The following CFAP99 variants were observed in gnomAD, a reference collection of about 807,000 sequenced individuals.
The protein encoded by CFAP99 is cilia and flagella associated protein 99, also known as cilia- and flagella-associated protein 99.
Under a neutral mutation model 82.7 loss-of-function variants are expected in CFAP99, and 84 were observed. That is an observed-to-expected ratio of 1.02 (90% CI 0.85 to 1.22). The LOEUF (loss-of-function observed/expected upper bound fraction) is 1.22, where lower values mean the gene tolerates loss of function less well. Among genes scored for constraint, CFAP99 ranks in the 50% most tolerant of loss-of-function variants. The probability of loss-of-function intolerance (pLI) is 0.00; values close to 1 mark genes in which losing one functional copy is unlikely to be tolerated. For missense variants in CFAP99, 1,059 were observed against 983.5 expected (o/e 1.08, Z -1.03); for synonymous variants, 456 against 429.5 (o/e 1.06, Z -0.76).
At chr4:2,437,362 C>T (rs1300130075) in intron 3 of CFAP99, among the ~76,000 whole-genome samples, 1 of 152,200 alleles carries the variant, frequency 6.6e-6, no homozygotes, top group Non-Finnish European at 1.5e-5. Context: ...CCTGTGGCTG[C>T]CGTCTGGACA....
At chr4:2,458,809 G>A in exon 12 of CFAP99, 1 of 1,535,936 alleles carries the variant, frequency 6.5e-7, no homozygotes, top group East Asian at 2.4e-5. Context: ...TGATAGAGGG[G>A]CAGAAGAACG....
At position 2,449,880 on chromosome 4, in the gene CFAP99, G is replaced by C. The variant is rs942549966; in HGVS notation, c.724-54G>C. ...GTGGAAGTTCGTCCTCCCATGGCCT[G>C]GAGGACACTGGGCAGAGGCTGGTGG... On this transcript the variant is annotated intron_variant, in intron 7 of 14. Coordinates refer to ENST00000635017, the Ensembl canonical transcript of CFAP99. 5 of 1,534,056 alleles carry C rather than the reference G, an allele frequency of 3.3e-6. No homozygotes were observed. In the African/African-American group the frequency reaches 6.8e-5, roughly 21 times the overall value.
chr4:2,445,015 C>A, intron 5 of CFAP99, 116 bp from the exon 6 acceptor site: 1 of 672,064 alleles, frequency 1.5e-6, no homozygotes, highest in South Asian at 7.1e-5. Flanking sequence ...CCCACTATCA[C>A]CTCCACCCCA....
intron 4 of CFAP99, among the ~76,000 whole-genome samples, 160 bp from the exon 5 acceptor site, chr4:2,442,970 G>C (rs2108725513): frequency 9.4e-6 from 1 of 106,290 alleles, no homozygotes; most frequent in African/African-American, 3.6e-5. Flanking sequence ...TGGGGGCCTT[G>C]GGGGCAGGGA....
At chr4:2,429,837 C>T (rs564086843) in intron 2 of CFAP99, among the ~76,000 whole-genome samples, 3 of 152,152 alleles carry the variant, frequency 2.0e-5, no homozygotes, top group Admixed American at 6.5e-5. Context: ...GTGATCCGCC[C>T]GCCTCGGCCT....
intron 1 of CFAP99, among the ~76,000 whole-genome samples, chr4:2,420,132 C>G (rs528334743): frequency 6.6e-6 from 1 of 151,966 alleles, no homozygotes; most frequent in Admixed American, 6.6e-5. Context: ...CTGGCCACTC[C>G]TGCTTGATCT....
At chr4:2,429,184 C>G (rs374063165) in intron 2 of CFAP99, 1 of 152,352 alleles carries the variant, frequency 6.6e-6, no homozygotes, top group Non-Finnish European at 1.5e-5. Context: ...CCCCCTGATG[C>G]TGTCTTGGCC....
Position 2,443,262 on chromosome 4 carries a change from C to G in CFAP99, c.464+20C>G. 2 of 1,473,968 alleles carry G rather than the reference C, an allele frequency of 1.4e-6. No individual in the cohort carries two copies. The highest frequency in any genetic ancestry group is 1.8e-6 in the Non-Finnish European group (2 of 1,090,648). The allele number at this position is 1,473,968 out of a possible 1,614,324, so 91.3% of individuals were successfully genotyped here. A position where few individuals can be genotyped will look rare whatever the true frequency, so the allele number is the denominator to read the frequency against. On this transcript the variant is annotated intron_variant, in intron 5 of 14. Transcript: ENST00000635017. ...GATGAGGTAGGCTGGATGGGGGGCTCTGGGGGCCCTGAATGGCATCTGCAC... is the reference window on the plus strand; with the variant it reads ...GATGAGGTAGGCTGGATGGGGGGCTGTGGGGGCCCTGAATGGCATCTGCAC...
Position 2,462,896 on chromosome 4 carries a change from C to G in CFAP99, c.2115C>G (p.Pro705=), listed in dbSNP as rs1239385666. The G allele has an allele frequency of 1.6e-5, 21 of 1,324,050 alleles. No homozygotes were observed. Among genetic ancestry groups the G allele is most frequent in the Non-Finnish European group, 1.7e-5 (18 of 1,043,076 alleles). 82.0% of individuals were successfully genotyped at this position (1,324,050 alleles called of 1,614,324 possible). Residue 705 remains proline (P), a synonymous_variant, in exon 15 of 15, where the codon CCC becomes CCG. Coordinates refer to ENST00000635017, the Ensembl canonical transcript of CFAP99. This position sits in a 1 kb window ranked among gnomAD's most constrained non-coding sequence, Gnocchi z 4.1. ...CGCTGCAGCAGGGAGGCTCAGGACC[C>G]GGGCCCGCGCGCCGCCTGGAGGCCG...
At chr4:2,426,284 C>T (rs1733680325) in intron 1 of CFAP99, among the ~76,000 whole-genome samples, 175 bp from the exon 2 acceptor site, 2 of 150,916 alleles carry the variant, frequency 1.3e-5, no homozygotes, top group East Asian at 2.0e-4. Context: ...GGCCCTCACT[C>T]ACATCCGGCC....
At position 2,443,129 on chromosome 4, in the gene CFAP99, G is replaced by C. The variant is rs1036132852; in HGVS notation, c.352-1G>C. ...CCCCTGACAGCCCCCGTCCACCCCAGTTCCTCAGGTTCTTCTTCAACCCCC... is the reference window on the plus strand; with the variant it reads ...CCCCTGACAGCCCCCGTCCACCCCACTTCCTCAGGTTCTTCTTCAACCCCC... On this transcript the variant is annotated splice_acceptor_variant, in intron 4 of 14. Coordinates refer to ENST00000635017, the Ensembl canonical transcript of CFAP99. LOFTEE classifies it high-confidence loss of function. The C allele has an allele frequency of 3.9e-6, 6 of 1,522,698 alleles. No homozygotes were observed. The highest frequency in any genetic ancestry group is 4.4e-6 in the Non-Finnish European group (5 of 1,136,558). The allele number at this position is 1,522,698 out of a possible 1,614,324, so 94.3% of individuals were successfully genotyped here. A position where few individuals can be genotyped will look rare whatever the true frequency, so the allele number is the denominator to read the frequency against.
At chr4:2,457,427 C>T (rs955112927) in intron 11 of CFAP99, among the ~76,000 whole-genome samples, 3 of 152,190 alleles carry the variant, frequency 2.0e-5, no homozygotes, top group Admixed American at 2.0e-4. Flanking sequence ...GCAGCCAGTG[C>T]GAGCCATGCT....
intron 4 of CFAP99, among the ~76,000 whole-genome samples, chr4:2,438,779 A>G (rs1578471007): frequency 1.3e-5 from 2 of 152,120 alleles, no homozygotes; most frequent in South Asian, 4.1e-4. Flanking sequence ...CTAAAAAACA[A>G]AGAAACAACA....
At position 2,448,036 on chromosome 4, in the gene CFAP99, G is replaced by C. The variant is rs1734213006; in HGVS notation, c.643-1634G>C. Among the ~76,000 whole-genome samples the C allele has an allele frequency of 6.6e-6, 1 of 151,498 alleles. No homozygotes were observed. Among genetic ancestry groups the C allele is most frequent in the African/African-American group, 2.4e-5 (1 of 41,144 alleles). On this transcript the variant is annotated intron_variant, in intron 6 of 14. Coordinates refer to ENST00000635017, the Ensembl canonical transcript of CFAP99. This position sits in a 1 kb window ranked among gnomAD's most constrained non-coding sequence, Gnocchi z 5.2. ...AAGTGGATGAATGGATGGATGGATG[G>C]ATGGATGATCAGAGGGATGGATAGA...
chr4:2,450,002 G>A (rs1369798167), exon 8 of CFAP99: 1 of 1,536,146 alleles, frequency 6.5e-7, no homozygotes, highest in Admixed American at 2.0e-5. Context: ...GGGAGCGAGT[G>A]CAGGTACCGC....
intron 2 of CFAP99, among the ~76,000 whole-genome samples, chr4:2,436,540 G>A (rs909113915): frequency 6.6e-6 from 1 of 152,162 alleles, no homozygotes; most frequent in Non-Finnish European, 1.5e-5. Context: ...TCTCATGCCC[G>A]CTGGCCCCTG....
At chr4:2,421,706 G>A (rs1578459895) in intron 1 of CFAP99, among the ~76,000 whole-genome samples, 1 of 151,750 alleles carries the variant, frequency 6.6e-6, no homozygotes, top group South Asian at 2.1e-4. Context: ...CCTGATCAAT[G>A]GAGTTAAAAT....
At chr4:2,445,248 C>T in exon 6 of CFAP99, 1 of 1,443,318 alleles carries the variant, frequency 6.9e-7, no homozygotes, top group Non-Finnish European at 9.1e-7. Flanking sequence ...ACCTGACTGC[C>T]CCCAGGCCCC....
At chr4:2,461,800 C>T (rs1040292809) in intron 14 of CFAP99, among the ~76,000 whole-genome samples, 3 of 152,066 alleles carry the variant, frequency 2.0e-5, no homozygotes, top group African/African-American at 7.2e-5. Flanking sequence ...GGGAACAACA[C>T]ATACAATCAG....
Sources: gnomAD v4.1 joint callset for allele counts (sites outside exome capture counted in the v4.1 genomes callset) on GRCh38, gnomAD v4.1.1 for gene constraint, Gnocchi (gnomAD v3.1) non-coding constraint, MANE v1.5 for transcripts, NCBI Gene and HGNC (gene_info 2026-07-23, HGNC 2026-07-21) for gene names.